Variants in RIMBP2 observed in about 807,000 individuals in gnomAD.
RIMBP2 encodes the protein RIMS binding protein 2.
RIMBP2 carries 48 observed loss-of-function variants against 118.6 expected under a neutral mutation model. The ratio of observed to expected loss-of-function variants is 0.40; its 90% confidence interval spans 0.32 to 0.51. The LOEUF (loss-of-function observed/expected upper bound fraction) is 0.51, where lower values mean the gene tolerates loss of function less well. Ranked by LOEUF, RIMBP2 falls within the 20% of genes least tolerant of loss-of-function variation. The probability of loss-of-function intolerance (pLI) is 0.41; values close to 1 mark genes in which losing one functional copy is unlikely to be tolerated. For missense variants in RIMBP2, 1,551 were observed against 1,768.3 expected, an observed-to-expected ratio of 0.88 and a Z score of 2.20; for synonymous variants, 762 against 742.9, an observed-to-expected ratio of 1.03 and a Z score of -0.42.
intron 1 of RIMBP2, among the ~76,000 whole-genome samples, chr12:130,699,292 G>A (rs566942876): frequency 3.3e-5 from 5 of 152,078 alleles, no homozygotes; most frequent in South Asian, 4.1e-4. Flanking sequence ...TGTCTATTGC[G>A]GCACTATTCA....
intron 2 of RIMBP2, among the ~76,000 whole-genome samples, chr12:130,548,785 G>A (rs965089514): frequency 2.0e-5 from 3 of 151,658 alleles, no homozygotes; most frequent in African/African-American, 4.8e-5. Context: ...TGTTGACCAG[G>A]CTGGTCTCAA....
chr12:130,500,876 C>T (rs1286153388), intron 4 of RIMBP2, among the ~76,000 whole-genome samples: 2 of 134,442 alleles, frequency 1.5e-5, no homozygotes, highest in Non-Finnish European at 3.0e-5. Context: ...ATGCTTTAAC[C>T]CAAGTGAGCC....
intron 7 of RIMBP2, among the ~76,000 whole-genome samples, 184 bp downstream of exon 7, chr12:130,456,312 T>G (rs981570010): frequency 8.5e-5 from 13 of 152,078 alleles, no homozygotes; most frequent in Admixed American, 4.6e-4. Context: ...GCCCGTGAGG[T>G]GCTGAGTGTA....
Position 130,483,112 on chromosome 12 carries a change from CCATTGTGTGTGTACATGTGTCA to C in RIMBP2, c.-3-4118_-3-4097del, listed in dbSNP as rs1364139310. 9.6e-4 allele frequency among the ~76,000 whole-genome samples: 66 copies of C among 68,836 alleles called. 1 individual carries two copies. The highest frequency in any genetic ancestry group is 3.3e-3 in the African/African-American group (62 of 18,560). The allele number at this position is 68,836 out of a possible 152,430, so 45.2% of individuals were successfully genotyped here. On this transcript the variant is annotated intron_variant, in intron 4 of 22. Transcript: ENST00000690449. The stretch of plus-strand genomic sequence containing the variant: ...GGGGGCACACCTCATCCAAATACAC[CCATTGTGTGTGTACATGTGTCA>C]GATTCTGCAGGGGAGGGGGCAGACC...
intron 1 of RIMBP2, among the ~76,000 whole-genome samples, chr12:130,687,358 C>T (rs2065101236): frequency 6.6e-6 from 1 of 152,122 alleles, no homozygotes; most frequent in Non-Finnish European, 1.5e-5. Context: ...TCAGAGATGC[C>T]TCGCGTTTTA....
chr12:130,460,678 C>T (rs1353086555), intron 6 of RIMBP2, among the ~76,000 whole-genome samples: 1 of 152,128 alleles, frequency 6.6e-6, no homozygotes, highest in Admixed American at 6.5e-5. Context: ...GTAGCAGCAG[C>T]AGATGCAATA....
chr12:130,499,524 G>T lies in RIMBP2; in HGVS notation c.-4+7124C>A, dbSNP rs1447018990. ...GGCCTTCAAAAGCTTTAAGTGATCT[G>T]CTCCAAGTCATCTCCCTCATCTGAC... On this transcript the variant is annotated intron_variant, in intron 4 of 22. Coordinates refer to ENST00000690449, the MANE Select transcript of RIMBP2 (RefSeq NM_001393629.1). Among the ~76,000 whole-genome samples the T allele has an allele frequency of 3.9e-5, 6 of 152,244 alleles. No individual in the cohort carries two copies. In the East Asian group the frequency reaches 1.2e-3, roughly 29 times the overall value.
intron 1 of RIMBP2, among the ~76,000 whole-genome samples, chr12:130,639,797 C>T (rs2062532762): frequency 6.6e-6 from 1 of 152,158 alleles, no homozygotes; most frequent in Non-Finnish European, 1.5e-5. Flanking sequence ...CACTTAGCTA[C>T]AAATGACAGA....
rs377638287 is a variant in RIMBP2, at chr12:130,603,504, T to C, written c.-217+24818A>G. ...CACAATGCAGATCAAAAATAGAAGA[T>C]GCAGAATCATGTGCCCAGTATGATA... On this transcript the variant is annotated intron_variant, in intron 2 of 22. Coordinates refer to ENST00000690449, the MANE Select transcript of RIMBP2 (RefSeq NM_001393629.1). 1.4e-4 allele frequency among the ~76,000 whole-genome samples: 21 copies of C among 152,282 alleles called. No individual in the cohort carries two copies. In the East Asian group the frequency reaches 3.3e-3, roughly 24 times the overall value.
rs1172729826 is a variant in RIMBP2 at position 130,419,635 on chromosome 12, G to A, written c.3238+2818C>T. ...ACTAATGTTTTTATTTTTCCTCCCT[G>A]GACACAAAGAAAACACGCTGGACTT... On this transcript the variant is annotated intron_variant, in intron 17 of 22. Transcript: ENST00000690449. This position sits in a 1 kb window ranked among gnomAD's most constrained non-coding sequence, Gnocchi z 4.3. 2.0e-5 allele frequency: 3 copies of A among 152,088 alleles called. No homozygotes were observed. Among genetic ancestry groups the A allele is most frequent in the Non-Finnish European group, 4.4e-5 (3 of 68,032 alleles). 9.4% of individuals were successfully genotyped at this position (152,088 alleles called of 1,614,324 possible). A position where few individuals can be genotyped will look rare whatever the true frequency, so the allele number is the denominator to read the frequency against.
At chr12:130,697,762 C>T (rs58660909) in intron 1 of RIMBP2, among the ~76,000 whole-genome samples, 4,422 of 152,182 alleles carry the variant, frequency 0.029, 219 homozygotes, top group African/African-American at 0.1. Context: ...GTCAAGGCAG[C>T]AATGAGCTAT....
chr12:130,679,027 G>A (rs1234373944), intron 1 of RIMBP2, among the ~76,000 whole-genome samples: 1 of 151,932 alleles, frequency 6.6e-6, no homozygotes, highest in African/African-American at 2.4e-5. Context: ...CTACTGAACT[G>A]GATACTTTAA....
chr12:130,461,383 G>A (rs1593388626), intron 6 of RIMBP2, among the ~76,000 whole-genome samples: 1 of 152,204 alleles, frequency 6.6e-6, no homozygotes, highest in Admixed American at 6.5e-5. Flanking sequence ...TCAGGATGGG[G>A]TGGTGAGCAG....
chr12:130,547,966 T>C (rs186182583), intron 2 of RIMBP2, among the ~76,000 whole-genome samples: 1 of 152,354 alleles, frequency 6.6e-6, no homozygotes, highest in African/African-American at 2.4e-5. Context: ...CTGTTGATGA[T>C]GCACAGACCT....
At chr12:130,681,257 A>T (rs1311191706) in intron 1 of RIMBP2, among the ~76,000 whole-genome samples, 1 of 152,064 alleles carries the variant, frequency 6.6e-6, no homozygotes, top group Non-Finnish European at 1.5e-5. Context: ...CAGCCCAGGC[A>T]ATACAGTGAG....
Position 130,574,990 on chromosome 12 carries a change from C to T in RIMBP2, c.-217+53332G>A, listed in dbSNP as rs1199868209. ...CACCGCCACCCCCACCCCCAGACGCCCTGTGCCAAGTCCTCCAGAATCACA... is the reference window on the plus strand; with the variant it reads ...CACCGCCACCCCCACCCCCAGACGCTCTGTGCCAAGTCCTCCAGAATCACA... On this transcript the variant is annotated intron_variant, in intron 2 of 22. Coordinates refer to ENST00000690449, the MANE Select transcript of RIMBP2 (RefSeq NM_001393629.1). 3.3e-5 allele frequency among the ~76,000 whole-genome samples: 4 copies of T among 119,786 alleles called. No individual in the cohort carries two copies. The East Asian group carries it at 8.8e-4, about 27-fold the overall frequency. 78.6% of individuals were successfully genotyped at this position (119,786 alleles called of 152,430 possible). A position where few individuals can be genotyped will look rare whatever the true frequency, so the allele number is the denominator to read the frequency against.
At chr12:130,537,256 C>T (rs909821717) in intron 2 of RIMBP2, among the ~76,000 whole-genome samples, 3 of 152,204 alleles carry the variant, frequency 2.0e-5, no homozygotes, top group African/African-American at 4.8e-5. Flanking sequence ...CAAGCAGACA[C>T]GAGGCCATAG....
rs2052460671 is a variant in RIMBP2 at position 130,523,916 on chromosome 12, A to G, written c.-216-5999T>C. Among the ~76,000 whole-genome samples, 2 of 152,120 alleles carry G rather than the reference A, an allele frequency of 1.3e-5. No individual in the cohort carries two copies. On this transcript the variant is annotated intron_variant, in intron 2 of 22. Transcript: ENST00000690449. The surrounding 1 kb of genome is among the most constrained non-coding windows in gnomAD (Gnocchi z 4.4). Reference sequence around the variant, plus strand: ...GGAAGAGGGTCCACCCAGCACAAATACATAACAAAGGCATGTAAGGGCACA... The same window carrying G: ...GGAAGAGGGTCCACCCAGCACAAATGCATAACAAAGGCATGTAAGGGCACA...
At chr12:130,452,646 G>A (rs2079096225) in intron 7 of RIMBP2, among the ~76,000 whole-genome samples, 1 of 152,248 alleles carries the variant, frequency 6.6e-6, no homozygotes, top group East Asian at 1.9e-4. Flanking sequence ...CTTGAGGGGA[G>A]TGGCAGGCTC....
Sources: allele counts gnomAD v4.1 joint callset (sites outside exome capture counted in the v4.1 genomes callset), GRCh38; gene constraint gnomAD v4.1.1; non-coding constraint Gnocchi (gnomAD v3.1); transcripts MANE v1.5; gene names NCBI Gene and HGNC (gene_info 2026-07-23, HGNC 2026-07-21).